Variants in TPX2 observed in about 807,000 individuals in gnomAD.
The protein encoded by TPX2 is targeting protein for Xklp2.
TPX2 carries 21 observed loss-of-function variants against 93.6 expected under a neutral mutation model. The ratio of observed to expected loss-of-function variants is 0.22; its 90% CI spans 0.16 to 0.32. The LOEUF is 0.32. TPX2 is among the 10% of genes least tolerant of loss of function. The pLI is 1.00. For synonymous variants in TPX2, 281 were observed against 298.3 expected (o/e 0.94, Z 0.60); for missense variants, 776 against 871.1 (o/e 0.89, Z 1.37).
chr20:31,766,510 A>G (rs1447011331), intron 4 of TPX2, 46 bp from the exon 5 acceptor site: 1 of 1,539,602 alleles, frequency 6.5e-7, no homozygotes, highest in African/African-American at 1.5e-5. Flanking sequence ...ATCTCCAATT[A>G]TTTTCCTTGG....
intron 2 of TPX2, among the ~76,000 whole-genome samples, chr20:31,749,316 C>T (rs892579032): frequency 6.6e-6 from 1 of 152,182 alleles, no homozygotes; most frequent in African/African-American, 2.4e-5. Flanking sequence ...CATTTGGAAT[C>T]CTGGCTTTAC....
At chr20:31,776,355 C>G (rs2061999650) in intron 8 of TPX2, among the ~76,000 whole-genome samples, 1 of 152,044 alleles carries the variant, frequency 6.6e-6, no homozygotes, top group Non-Finnish European at 1.5e-5. Context: ...GCTGGGATTA[C>G]AGGCGTGAGC....
Position 31,757,647 on chromosome 20 carries a change from A to G in TPX2, c.106+65A>G. On this transcript the variant is annotated intron_variant, in intron 3 of 17. Transcript: ENST00000300403. ...GCTTGCTTTGTGCTGAAGACCTTTC[A>G]ATAATAGAAGGGGTTGCAAGAAAAG... 3 of 1,278,148 alleles carry G rather than the reference A, an allele frequency of 2.3e-6. No homozygotes were observed. The East Asian group carries it at 7.0e-5, about 30-fold the overall frequency. The allele number at this position is 1,278,148 out of a possible 1,614,324, so 79.2% of individuals were successfully genotyped here. A position where few individuals can be genotyped will look rare whatever the true frequency, so the allele number is the denominator to read the frequency against.
At chr20:31,775,312 A>G (rs2061988955) in intron 7 of TPX2, among the ~76,000 whole-genome samples, 1 of 151,848 alleles carries the variant, frequency 6.6e-6, no homozygotes. Context: ...ATTTTAATCT[A>G]TTTTAGTTAT....
chr20:31,764,504 A>G (rs1398018836), intron 4 of TPX2, among the ~76,000 whole-genome samples: 1 of 152,026 alleles, frequency 6.6e-6, no homozygotes, highest in Non-Finnish European at 1.5e-5. Flanking sequence ...CTTTATCCCC[A>G]TTGAAATTCT....
chr20:31,788,457 G>T (rs2062081096), intron 12 of TPX2, among the ~76,000 whole-genome samples: 1 of 150,414 alleles, frequency 6.6e-6, no homozygotes, highest in African/African-American at 2.5e-5. Context: ...AACTTCTAGT[G>T]TTGGACTTTT....
intron 2 of TPX2, among the ~76,000 whole-genome samples, chr20:31,743,792 T>A (rs1416233970): frequency 6.7e-6 from 1 of 148,718 alleles, no homozygotes; most frequent in Non-Finnish European, 1.5e-5. Context: ...AATGGTGCAA[T>A]CTCAGCTTAC....
chr20:31,760,270 C>T (rs1201864393), intron 4 of TPX2, 91 bp downstream of exon 4: 1 of 1,516,510 alleles, frequency 6.6e-7, no homozygotes, highest in Non-Finnish European at 9.0e-7. Context: ...CCTAAATGCT[C>T]TATCTCTTTG....
intron 9 of TPX2, 137 bp downstream of exon 9, chr20:31,777,775 CAG>C (rs1292651269): frequency 2.2e-6 from 2 of 893,902 alleles, no homozygotes; most frequent in Admixed American, 3.6e-5. Context: ...TAAAATATAA[CAG>C]ATCTTTTTTT....
intron 12 of TPX2, among the ~76,000 whole-genome samples, chr20:31,786,251 C>T (rs1299616780): frequency 6.6e-6 from 1 of 151,696 alleles, no homozygotes; most frequent in Non-Finnish European, 1.5e-5. Context: ...TGATATGATT[C>T]CAGGGTCCAT....
intron 2 of TPX2, among the ~76,000 whole-genome samples, chr20:31,750,062 C>T (rs563233959): frequency 7.9e-5 from 12 of 152,004 alleles, no homozygotes; most frequent in Non-Finnish European, 1.3e-4. Context: ...CTCTGCCTCC[C>T]GAGTAGCTGG....
intron 2 of TPX2, among the ~76,000 whole-genome samples, chr20:31,755,062 C>T (rs1276078042): frequency 1.3e-5 from 2 of 152,150 alleles, no homozygotes; most frequent in Non-Finnish European, 2.9e-5. Context: ...GATTCTTATG[C>T]CTCAGCCTCC....
In TPX2 at chr20:31,745,607, C is replaced by G. The variant is rs116903429; in HGVS notation, c.-71+2960C>G. On this transcript the variant is annotated intron_variant, in intron 2 of 17. Coordinates refer to ENST00000300403, the MANE Select transcript of TPX2 (RefSeq NM_012112.5). ...CCTCCCAGAGTGCTGGGATTACAGG[C>G]ATGAGCCATCTAATAAACACTTTTA... Among the ~76,000 whole-genome samples, 11 of 152,322 alleles carry G rather than the reference C, an allele frequency of 7.2e-5. No homozygotes were observed. The East Asian group carries it at 1.9e-3, about 27-fold the overall frequency.
intron 2 of TPX2, among the ~76,000 whole-genome samples, chr20:31,752,888 A>G (rs1399587768): frequency 2.0e-5 from 3 of 152,138 alleles, no homozygotes; most frequent in South Asian, 2.1e-4. Context: ...TGCTGAGGTT[A>G]CAGGTGCGAG....
intron 2 of TPX2, among the ~76,000 whole-genome samples, chr20:31,756,260 T>C (rs1391926488): frequency 1.3e-5 from 2 of 152,174 alleles, no homozygotes; most frequent in African/African-American, 2.4e-5. Context: ...ATAGTTAATA[T>C]AAAATTGGAT....
intron 2 of TPX2, among the ~76,000 whole-genome samples, chr20:31,749,038 T>C (rs933671799): frequency 1.1e-4 from 16 of 151,582 alleles, no homozygotes; most frequent in African/African-American, 3.9e-4. Flanking sequence ...CTCCGCCTCC[T>C]GGGTTCACGC....
At chr20:31,781,253 C>G (rs1425814917) in intron 10 of TPX2, among the ~76,000 whole-genome samples, 1 of 116,774 alleles carries the variant, frequency 8.6e-6, no homozygotes, top group African/African-American at 3.6e-5. Flanking sequence ...GGCCTTATAT[C>G]TTTTTTTTTT....
rs2122979807 is a variant in TPX2 at position 31,757,400 on chromosome 20, TC to T, written c.-70-5del. On this transcript the variant is annotated splice_polypyrimidine_tract_variant and splice_region_variant and intron_variant, in intron 2 of 17. Coordinates refer to ENST00000300403, the MANE Select transcript of TPX2 (RefSeq NM_012112.5). ...TTAGATTTATGTGCAACCATTTCTT[TC>T]CTCAGAAGGTGACCTGCTGAGAAAA... 1 of 1,170,434 alleles carries T rather than the reference TC, an allele frequency of 8.5e-7. No homozygotes were observed. The highest frequency in any genetic ancestry group is 2.4e-5 in the East Asian group (1 of 41,532). 72.5% of individuals were successfully genotyped at this position (1,170,434 alleles called of 1,614,324 possible).
intron 8 of TPX2, 24 bp downstream of exon 8, chr20:31,776,012 T>A: frequency 1.3e-6 from 2 of 1,487,392 alleles, no homozygotes; most frequent in Middle Eastern, 1.9e-4. Context: ...TGGTTGAGTC[T>A]GATTCATGAG....
Sources: allele counts gnomAD v4.1 joint callset (sites outside exome capture counted in the v4.1 genomes callset), GRCh38; gene constraint gnomAD v4.1.1; transcripts MANE v1.5; gene names NCBI Gene and HGNC (gene_info 2026-07-23, HGNC 2026-07-21).